The following TBL1XR1 variants were observed in gnomAD, a reference collection of about 807,000 sequenced individuals.
TBL1XR1 encodes the protein F-box-like/WD repeat-containing protein TBL1XR1.
A neutral mutation model predicts 66.9 loss-of-function variants in TBL1XR1; 5 were observed. The ratio of observed to expected loss-of-function variants is 0.07; its 90% CI spans 0.04 to 0.16. The LOEUF is 0.16. TBL1XR1 is among the 10% of genes least tolerant of loss of function. The pLI, the probability that TBL1XR1 is intolerant of heterozygous loss-of-function variation, is 1.00. For missense variants in TBL1XR1, 238 were observed against 623.2 expected (o/e 0.38, Z 6.58); for synonymous variants, 210 against 206.0 (o/e 1.02, Z -0.17).
At chr3:177,135,909 G>A (rs1000149863) in intron 1 of TBL1XR1, among the ~76,000 whole-genome samples, 16 of 151,448 alleles carry the variant, frequency 1.1e-4, no homozygotes, top group African/African-American at 3.6e-4. Context: ...TGGCCTTCTC[G>A]GATTAACCCC....
chr3:177,150,439 C>G (rs949143682), intron 1 of TBL1XR1, among the ~76,000 whole-genome samples: 1 of 152,112 alleles, frequency 6.6e-6, no homozygotes, highest in Non-Finnish European at 1.5e-5. Context: ...TCATGCATGC[C>G]AAATCCAGAG....
chr3:177,201,690 C>T (rs937105854), upstream of TBL1XR1: 3 of 152,110 alleles, frequency 2.0e-5, no homozygotes, highest in African/African-American at 7.2e-5. Flanking sequence ...ACATTTGATA[C>T]CAAAAATATT....
chr3:177,163,543 TGAG>T (rs1419507127), intron 1 of TBL1XR1, among the ~76,000 whole-genome samples: 1 of 150,526 alleles, frequency 6.6e-6, no homozygotes, highest in Non-Finnish European at 1.5e-5. Flanking sequence ...TGTGTAGATG[TGAG>T]AAGATGTAAA....
intron 14 of TBL1XR1, among the ~76,000 whole-genome samples, chr3:177,028,325 G>C (rs1713449351): frequency 6.6e-6 from 1 of 152,174 alleles, no homozygotes; most frequent in Non-Finnish European, 1.5e-5. Context: ...GTACACAATA[G>C]TGAAAACAAA....
At chr3:177,135,573 G>A (rs1453734305) in intron 1 of TBL1XR1, among the ~76,000 whole-genome samples, 3 of 149,182 alleles carry the variant, frequency 2.0e-5, no homozygotes, top group East Asian at 2.0e-4. Flanking sequence ...TAGTAGAGAC[G>A]GCGTTTCACC....
chr3:177,064,971 T>C lies in TBL1XR1; in HGVS notation c.7A>G (p.Ile3Val). The change falls in exon 3 of 16, where the codon ATA becomes GTA. Residue 3 changes from isoleucine to valine, a missense_variant. This residue lies in a region of TBL1XR1 where 9 missense variants were observed against 87.4 expected (regional missense o/e 0.10). Coordinates refer to ENST00000457928, the MANE Select transcript of TBL1XR1 (RefSeq NM_024665.7). MS[I>V]SSDEVNFLVY... Reference sequence around the variant, plus strand: ...AAGAAGTTGACCTCATCACTGCTTATACTCATCTTTATTCCCACTTAAACC... The same window carrying C: ...AAGAAGTTGACCTCATCACTGCTTACACTCATCTTTATTCCCACTTAAACC... The C allele has an allele frequency of 6.5e-7, 1 of 1,541,638 alleles. No homozygotes were observed. Among genetic ancestry groups the C allele is most frequent in the Non-Finnish European group, 8.7e-7 (1 of 1,144,024 alleles).
At chr3:177,117,583 T>C (rs1340588489) in intron 1 of TBL1XR1, among the ~76,000 whole-genome samples, 2 of 152,200 alleles carry the variant, frequency 1.3e-5, no homozygotes, top group African/African-American at 4.8e-5. Flanking sequence ...GTCTCCCAGA[T>C]TGTTTGCTAC....
intron 10 of TBL1XR1, chr3:177,045,106 G>C (rs563818896): frequency 2.0e-5 from 3 of 152,114 alleles, no homozygotes; most frequent in African/African-American, 7.2e-5. Context: ...CCTTATTTTG[G>C]CTTGTTTAGG....
intron 1 of TBL1XR1, among the ~76,000 whole-genome samples, chr3:177,132,195 T>G (rs939592360): frequency 6.6e-6 from 1 of 152,212 alleles, no homozygotes; most frequent in South Asian, 2.1e-4. Context: ...GCTGGTTATG[T>G]AGCAAAAATA....
chr3:177,112,109 T>TATATATATATATA (rs1560188974), intron 1 of TBL1XR1, among the ~76,000 whole-genome samples: 23 of 36,960 alleles, frequency 6.2e-4, no homozygotes, highest in Non-Finnish European at 7.5e-4. Flanking sequence ...ATATATATAT[T>TATATATATATATA]TTTTTTTTTT....
At chr3:177,182,806 C>T (rs1734986299) in intron 1 of TBL1XR1, among the ~76,000 whole-genome samples, 1 of 152,178 alleles carries the variant, frequency 6.6e-6, no homozygotes, top group Non-Finnish European at 1.5e-5. Flanking sequence ...TAACTTCATG[C>T]AGGCAACATG....
At chr3:177,177,928 G>C (rs1178878204) in intron 1 of TBL1XR1, among the ~76,000 whole-genome samples, 1 of 152,184 alleles carries the variant, frequency 6.6e-6, no homozygotes, top group Non-Finnish European at 1.5e-5. Context: ...CTGCAACGTG[G>C]AGAATAAGGG....
At chr3:177,111,095 A>G (rs1725497558) in intron 1 of TBL1XR1, among the ~76,000 whole-genome samples, 1 of 151,968 alleles carries the variant, frequency 6.6e-6, no homozygotes, top group Non-Finnish European at 1.5e-5. Flanking sequence ...CACGCCAGGC[A>G]CACAACAGGA....
At chr3:177,114,500 A>G (rs1002627839) in intron 1 of TBL1XR1, among the ~76,000 whole-genome samples, 1 of 151,618 alleles carries the variant, frequency 6.6e-6, no homozygotes, top group African/African-American at 2.4e-5. Flanking sequence ...GGGCCCTCAC[A>G]CTGTTGTCCA....
chr3:177,172,633 A>AGAGAG (rs150226417), intron 1 of TBL1XR1, among the ~76,000 whole-genome samples: 8 of 117,634 alleles, frequency 6.8e-5, no homozygotes, highest in Non-Finnish European at 1.0e-4. Context: ...AGAAAGAGAG[A>AGAGAG]AGAGAGAGAG....
rs1338523699 is a variant in TBL1XR1 at position 177,098,523 on chromosome 3, C to T, written c.-103G>A. On this transcript the variant is annotated 5_prime_UTR_variant, in exon 2 of 16. In the 5' UTR this introduces an upstream ATG that the reference lacks. Transcript: ENST00000457928. ...CTGAATATCCGGTCACCGCCAATCA[C>T]AAGTTGCTGTTGTTGATGCTGAGGA... 2 of 985,732 alleles carry T rather than the reference C, an allele frequency of 2.0e-6. No individual in the cohort carries two copies. The highest frequency in any genetic ancestry group is 2.4e-6 in the Non-Finnish European group (2 of 829,938). 61.1% of individuals were successfully genotyped at this position (985,732 alleles called of 1,614,324 possible).
At chr3:177,121,869 G>A (rs1324414663) in intron 1 of TBL1XR1, among the ~76,000 whole-genome samples, 3 of 151,800 alleles carry the variant, frequency 2.0e-5, no homozygotes, top group Non-Finnish European at 4.4e-5. Context: ...AAAAATCCAT[G>A]AAACTTCCAA....
At chr3:177,134,087 T>C (rs1031591653) in intron 1 of TBL1XR1, among the ~76,000 whole-genome samples, 2 of 152,190 alleles carry the variant, frequency 1.3e-5, no homozygotes, top group Non-Finnish European at 2.9e-5. Context: ...GATACGTGAA[T>C]GTAAAGAGAG....
chr3:177,066,759 T>C (rs1719218534), intron 2 of TBL1XR1, among the ~76,000 whole-genome samples: 1 of 152,136 alleles, frequency 6.6e-6, no homozygotes. Flanking sequence ...ACTGACTGGA[T>C]GCATAGTTGA....
Sources: allele counts gnomAD v4.1 joint callset (sites outside exome capture counted in the v4.1 genomes callset), GRCh38; gene constraint gnomAD v4.1.1; regional missense constraint gnomAD v4.1.1; transcripts MANE v1.5; gene names NCBI Gene and HGNC (gene_info 2026-07-23, HGNC 2026-07-21).